The following EPHA5 variants were observed in gnomAD, a reference collection of about 807,000 sequenced individuals.
The protein encoded by EPHA5 is ephrin type-A receptor 5.
Under a neutral mutation model 105.0 loss-of-function variants are expected in EPHA5, and 60 were observed. The observed-to-expected ratio is 0.57, with a 90% CI of 0.46 to 0.71. The LOEUF (loss-of-function observed/expected upper bound fraction) is 0.71, where lower values mean the gene tolerates loss of function less well. Among genes scored for constraint, EPHA5 ranks in the 30% least tolerant of loss-of-function variants. The pLI is 0.00. For missense variants in EPHA5, 1,218 were observed against 1,274.7 expected, an observed-to-expected ratio of 0.96 and a Z score of 0.68; for synonymous variants, 513 against 449.1, an observed-to-expected ratio of 1.14 and a Z score of -1.80.
chr4:65,345,014 A>C (rs1176861756), intron 14 of EPHA5, among the ~76,000 whole-genome samples: 1 of 152,174 alleles, frequency 6.6e-6, no homozygotes, highest in African/African-American at 2.4e-5. Flanking sequence ...GATGGTAAAT[A>C]AGTCATTTAA....
intron 3 of EPHA5, among the ~76,000 whole-genome samples, chr4:65,533,721 G>A (rs1222094807): frequency 6.6e-6 from 1 of 152,100 alleles, no homozygotes; most frequent in East Asian, 1.9e-4. Context: ...GATCACCTGA[G>A]GTCAGGAGTT....
Position 65,352,744 on chromosome 4 carries a change from T to A in EPHA5, c.2235+298A>T, listed in dbSNP as rs191237930. 3.6e-4 allele frequency among the ~76,000 whole-genome samples: 54 copies of A among 151,806 alleles called. 1 individual carries two copies. In the East Asian group the frequency reaches 3.7e-3, roughly 10 times the overall value. ...TTTTTCCCTTTTTACATTTCTTTTT[T>A]AAAATTTTTCTTTTCCTCTCTTATT... is the stretch of plus-strand genomic sequence containing the variant. On this transcript the variant is annotated intron_variant, in intron 12 of 16. Coordinates refer to ENST00000613740, the MANE Select transcript of EPHA5 (RefSeq NM_001281766.3).
At chr4:65,641,765 A>T (rs192422081) in intron 2 of EPHA5, among the ~76,000 whole-genome samples, 75 of 152,262 alleles carry the variant, frequency 4.9e-4, no homozygotes, top group Non-Finnish European at 8.5e-4. Context: ...ATTACTCAAC[A>T]TAATTACAAG....
rs1263893128 is a variant in EPHA5, at chr4:65,387,274, T to G, written c.1793+17100A>C. Among the ~76,000 whole-genome samples the G allele has an allele frequency of 3.3e-5, 5 of 151,926 alleles. No homozygotes were observed. The East Asian group carries it at 9.7e-4, about 29-fold the overall frequency. ...GAGTCCTCCTTGGAGCTGGGGGCGC[T>G]GTCCAAAGGCTTGGATACACTGGAG... On this transcript the variant is annotated intron_variant, in intron 8 of 16. Transcript: ENST00000613740.
At chr4:65,596,637 T>C (rs1743215930) in intron 3 of EPHA5, among the ~76,000 whole-genome samples, 1 of 151,490 alleles carries the variant, frequency 6.6e-6, no homozygotes, top group Non-Finnish European at 1.5e-5. Flanking sequence ...ATGGATGAAA[T>C]GATTTGACTA....
chr4:65,478,746 G>C (rs1730073245), intron 5 of EPHA5, among the ~76,000 whole-genome samples: 1 of 152,102 alleles, frequency 6.6e-6, no homozygotes, highest in African/African-American at 2.4e-5. Flanking sequence ...TGCTAGGATT[G>C]TAAGTGTGAG....
chr4:65,373,485 T>A (rs930449432), intron 8 of EPHA5, among the ~76,000 whole-genome samples: 1 of 151,886 alleles, frequency 6.6e-6, no homozygotes, highest in Non-Finnish European at 1.5e-5. Flanking sequence ...AATCTTCTCA[T>A]TTCACATTTC....
chr4:65,335,655 A>C (rs556942916), intron 15 of EPHA5, among the ~76,000 whole-genome samples: 12 of 96,726 alleles, frequency 1.2e-4, no homozygotes, highest in Non-Finnish European at 2.8e-4. Context: ...ACACACATTT[A>C]ATTTTTTTTT....
At chr4:65,519,277 C>T (rs996732153) in intron 3 of EPHA5, among the ~76,000 whole-genome samples, 10 of 151,688 alleles carry the variant, frequency 6.6e-5, no homozygotes, top group Admixed American at 2.6e-4. Context: ...AGACAAAAAC[C>T]ACATGATTAC....
At chr4:65,541,924 A>G (rs1221938619) in intron 3 of EPHA5, among the ~76,000 whole-genome samples, 1 of 152,036 alleles carries the variant, frequency 6.6e-6, no homozygotes, top group African/African-American at 2.4e-5. Flanking sequence ...ATTAGAGTTC[A>G]GGGTTAAGAA....
chr4:65,396,537 C>T (rs1029769662), intron 8 of EPHA5, among the ~76,000 whole-genome samples: 4 of 152,138 alleles, frequency 2.6e-5, no homozygotes, highest in Non-Finnish European at 4.4e-5. Flanking sequence ...GGAAGAACAG[C>T]AGTACCACTG....
chr4:65,608,403 C>G (rs1744445189), intron 2 of EPHA5, among the ~76,000 whole-genome samples: 1 of 151,630 alleles, frequency 6.6e-6, no homozygotes, highest in Admixed American at 6.6e-5. Flanking sequence ...ACTTGGGAGG[C>G]TGAGGCAGGA....
Position 65,669,721 on chromosome 4 carries a change from C to G in EPHA5, c.22G>C (p.Gly8Arg), listed in dbSNP as rs1750297625. Residue 8 changes from glycine to arginine, a missense_variant, in exon 1 of 17, where the codon GGT becomes CGT. Physicochemically the swap from Gly to Arg is moderately radical, Grantham distance 125. Around this residue, in one of 3 missense-constraint regions of EPHA5, gnomAD observed 233 missense variants for 227.5 expected, o/e 1.02. Coordinates refer to ENST00000613740, the MANE Select transcript of EPHA5 (RefSeq NM_001281766.3). MRGSGPR[G>R]AGRRRPPSGG... ...CTTGGGGGCCGCCGGCGTCCCGCAC[C>G]CCGGGGCCCCGAGCCCCGCATCTTC... 2 of 1,271,904 alleles carry G rather than the reference C, an allele frequency of 1.6e-6. No homozygotes were observed. 78.8% of individuals were successfully genotyped at this position (1,271,904 alleles called of 1,614,324 possible).
At chr4:65,545,988 A>G (rs1737333050) in intron 3 of EPHA5, among the ~76,000 whole-genome samples, 1 of 151,984 alleles carries the variant, frequency 6.6e-6, no homozygotes, top group South Asian at 2.1e-4. Context: ...ACAGATTTCC[A>G]GGCCATAAGG....
At chr4:65,509,245 A>T (rs1733364541) in intron 3 of EPHA5, among the ~76,000 whole-genome samples, 1 of 152,188 alleles carries the variant, frequency 6.6e-6, no homozygotes, top group South Asian at 2.1e-4. Flanking sequence ...CTTTAACAAC[A>T]TATCTTATTT....
intron 15 of EPHA5, among the ~76,000 whole-genome samples, chr4:65,333,594 A>C (rs1577836147): frequency 8.7e-5 from 10 of 114,588 alleles, no homozygotes; most frequent in Admixed American, 9.3e-5. Flanking sequence ...ATTCCCCTCA[A>C]TCTCCTTTGC....
At chr4:65,625,090 G>A (rs66473215) in intron 2 of EPHA5, among the ~76,000 whole-genome samples, 35,302 of 152,008 alleles carry the variant, frequency 0.23, 4,296 homozygotes, top group Non-Finnish European at 0.25. Flanking sequence ...TGATGTTTAA[G>A]ATTTAGATAA....
intron 2 of EPHA5, among the ~76,000 whole-genome samples, chr4:65,609,294 T>A (rs1318616174): frequency 6.6e-6 from 1 of 152,100 alleles, no homozygotes; most frequent in Non-Finnish European, 1.5e-5. Context: ...ATTATGTTAG[T>A]GGGAAAAAAA....
At chr4:65,360,764 A>G (rs1197955004) in intron 11 of EPHA5, among the ~76,000 whole-genome samples, 2 of 151,648 alleles carry the variant, frequency 1.3e-5, no homozygotes, top group African/African-American at 4.8e-5. Context: ...AAACTATATC[A>G]TTCTAACTAG....
Sources: allele counts gnomAD v4.1 joint callset (sites outside exome capture counted in the v4.1 genomes callset), GRCh38; gene constraint gnomAD v4.1.1; regional missense constraint gnomAD v4.1.1; transcripts MANE v1.5; gene names NCBI Gene and HGNC (gene_info 2026-07-23, HGNC 2026-07-21).